Variants in CAPZB observed in about 807,000 individuals in gnomAD.
The protein encoded by CAPZB is F-actin-capping protein subunit beta.
A neutral mutation model predicts 38.1 loss-of-function variants in CAPZB; 2 were observed. The observed-to-expected ratio is 0.05, with a 90% confidence interval of 0.02 to 0.17. The LOEUF (loss-of-function observed/expected upper bound fraction) is 0.17. Ranked by LOEUF, CAPZB falls within the 10% of genes least tolerant of loss-of-function variation. The pLI is 1.00. For synonymous variants in CAPZB, 107 were observed against 127.4 expected, an observed-to-expected ratio of 0.84 and a Z score of 1.08; for missense variants, 161 against 334.2, an observed-to-expected ratio of 0.48 and a Z score of 4.04.
intron 1 of CAPZB, among the ~76,000 whole-genome samples, chr1:19,459,657 TGAA>T (rs1483085997): frequency 6.6e-6 from 1 of 152,186 alleles, no homozygotes; most frequent in Non-Finnish European, 1.5e-5. Context: ...TCCACTTGGT[TGAA>T]GAAGAGTAAA....
intron 1 of CAPZB, among the ~76,000 whole-genome samples, chr1:19,426,053 G>A (rs1030432587): frequency 6.6e-6 from 1 of 152,230 alleles, no homozygotes; most frequent in Non-Finnish European, 1.5e-5. Context: ...AAGGAGAGGT[G>A]AGCCAGGTGC....
At chr1:19,373,966 A>C (rs1052974157) in intron 4 of CAPZB, among the ~76,000 whole-genome samples, 2 of 152,132 alleles carry the variant, frequency 1.3e-5, no homozygotes, top group Non-Finnish European at 2.9e-5. Context: ...AAGCACCACT[A>C]ATCTTTTCAA....
chr1:19,345,101 A>T, intron 7 of CAPZB, 86 bp downstream of exon 7: 1 of 1,005,780 alleles, frequency 9.9e-7, no homozygotes, highest in Non-Finnish European at 1.6e-6. Context: ...AAAGCAGCAG[A>T]GAAGGAGGCC....
chr1:19,482,908 T>C (rs546400707), intron 1 of CAPZB, among the ~76,000 whole-genome samples: 1 of 152,278 alleles, frequency 6.6e-6, no homozygotes, highest in South Asian at 2.1e-4. Flanking sequence ...CAATAAGCAG[T>C]CAGAAATTAC....
rs1281886549 is a variant in CAPZB, at chr1:19,339,487, T to C, written c.*43A>G. The C allele has an allele frequency of 1.4e-6, 2 of 1,424,582 alleles. No homozygotes were observed. The highest frequency in any genetic ancestry group is 2.0e-6 in the Non-Finnish European group (2 of 1,007,058). The allele number at this position is 1,424,582 out of a possible 1,614,324, so 88.2% of individuals were successfully genotyped here. On this transcript the variant is annotated 3_prime_UTR_variant, in exon 9 of 9. Transcript: ENST00000264202. ...GAAAACGAGTTTTCTAAGAAAGGAA[T>C]CTAACGAGTGCACGGCGTGTCTGGT...
intron 1 of CAPZB, among the ~76,000 whole-genome samples, chr1:19,426,446 G>A (rs546466547): frequency 6.6e-6 from 1 of 152,038 alleles, no homozygotes; most frequent in Non-Finnish European, 1.5e-5. Context: ...GGTGGGGCGG[G>A]GGGGGGCTGT....
chr1:19,439,882 G>T (rs947844866), intron 1 of CAPZB, among the ~76,000 whole-genome samples: 2 of 152,152 alleles, frequency 1.3e-5, no homozygotes, highest in African/African-American at 4.8e-5. Flanking sequence ...ATTCTGTTTT[G>T]GTTTTGTTTG....
At chr1:19,419,847 C>T in intron 1 of CAPZB, 97 bp from the exon 2 acceptor site, 2 of 752,322 alleles carry the variant, frequency 2.7e-6, no homozygotes, top group Non-Finnish European at 4.5e-6. Flanking sequence ...CATTCTAAAA[C>T]CCAAAGAGCC....
rs147233095 is a variant in CAPZB, at chr1:19,449,702, T to C, written c.4-29952A>G. Among the ~76,000 whole-genome samples, 1,059 of 150,206 alleles carry C rather than the reference T, an allele frequency of 7.1e-3. 5 individuals are homozygous for C. The highest frequency in any genetic ancestry group is 0.024 in the African/African-American group (963 of 40,568). On this transcript the variant is annotated intron_variant, in intron 1 of 8. Transcript: ENST00000264202. ...TGAGAGGCTGAGGCATGAGAAACCT[T>C]GAACCTAAGAGGCAGAGGTTGCAGT...
At chr1:19,384,540 T>C (rs970035299) in intron 3 of CAPZB, among the ~76,000 whole-genome samples, 4 of 152,238 alleles carry the variant, frequency 2.6e-5, no homozygotes, top group Admixed American at 2.0e-4. Context: ...CAAAGTCCCA[T>C]TGACACAGGG....
intron 2 of CAPZB, among the ~76,000 whole-genome samples, chr1:19,418,389 T>C (rs1284662128): frequency 6.6e-6 from 1 of 152,182 alleles, no homozygotes; most frequent in Non-Finnish European, 1.5e-5. Flanking sequence ...CCCCTGATCC[T>C]GAGCACACAG....
chr1:19,395,053 C>T (rs915350627), intron 2 of CAPZB, among the ~76,000 whole-genome samples: 5 of 151,950 alleles, frequency 3.3e-5, no homozygotes, highest in Non-Finnish European at 7.4e-5. Flanking sequence ...GTTCTGAGCA[C>T]ATTTAGGGTC....
intron 2 of CAPZB, among the ~76,000 whole-genome samples, chr1:19,417,828 G>A (rs1012001608): frequency 1.3e-5 from 2 of 152,132 alleles, no homozygotes; most frequent in African/African-American, 4.8e-5. Context: ...CTAACGTGCA[G>A]CCCAATGTTT....
intron 2 of CAPZB, among the ~76,000 whole-genome samples, chr1:19,413,386 TG>T (rs2094365671): frequency 6.6e-6 from 1 of 152,038 alleles, no homozygotes; most frequent in South Asian, 2.1e-4. Context: ...CAAACTGGAG[TG>T]TAGTGGGGTG....
chr1:19,350,526 C>T lies in CAPZB; in HGVS notation c.589-5274G>A, dbSNP rs888265858. On this transcript the variant is annotated intron_variant, in intron 6 of 8. Transcript: ENST00000264202. ...TCAGACGGCTTCCCAGGGAAAGTTA[C>T]GGTTGCCCAGTTTAGGAAAATTTTG... Among the ~76,000 whole-genome samples, 5 of 152,368 alleles carry T rather than the reference C, an allele frequency of 3.3e-5. No individual in the cohort carries two copies. The East Asian group carries it at 9.6e-4, about 29-fold the overall frequency.
chr1:19,422,806 T>C (rs986910894), intron 1 of CAPZB, among the ~76,000 whole-genome samples: 1 of 152,112 alleles, frequency 6.6e-6, no homozygotes, highest in Non-Finnish European at 1.5e-5. Context: ...AGAAAGTATC[T>C]CAACTAGATA....
At chr1:19,387,727 T>C (rs1389888331) in intron 2 of CAPZB, among the ~76,000 whole-genome samples, 1 of 152,196 alleles carries the variant, frequency 6.6e-6, no homozygotes, top group Non-Finnish European at 1.5e-5. Flanking sequence ...GTAAGTCATT[T>C]TACTTCTCTA....
chr1:19,366,709 AC>A (rs1202490224), intron 4 of CAPZB, among the ~76,000 whole-genome samples: 1 of 151,986 alleles, frequency 6.6e-6, no homozygotes, highest in African/African-American at 2.4e-5. Context: ...ACAACAACAA[AC>A]AAACAGAAAC....
chr1:19,383,638 G>A (rs2094188186), intron 3 of CAPZB, among the ~76,000 whole-genome samples: 2 of 152,016 alleles, frequency 1.3e-5, no homozygotes, highest in South Asian at 4.1e-4. Context: ...GAATTTGATC[G>A]GCCTCAGGGC....
Sources: gnomAD v4.1 joint callset for allele counts (sites outside exome capture counted in the v4.1 genomes callset) on GRCh38, gnomAD v4.1.1 for gene constraint, MANE v1.5 for transcripts, NCBI Gene and HGNC (gene_info 2026-07-23, HGNC 2026-07-21) for gene names.